The following ST3GAL1 variants were observed in gnomAD, a reference collection of about 807,000 sequenced individuals.
ST3GAL1 encodes the protein ST3 beta-galactoside alpha-2,3-sialyltransferase 1.
In ST3GAL1, 16 loss-of-function variants were observed where a neutral mutation model predicts 34.1. The observed-to-expected ratio is 0.47, with a 90% CI of 0.32 to 0.71. The LOEUF (loss-of-function observed/expected upper bound fraction) is 0.71. ST3GAL1 is among the 30% of genes least tolerant of loss of function. The pLI, the probability that ST3GAL1 is intolerant of heterozygous loss-of-function variation, is 0.04. For missense variants in ST3GAL1, 353 were observed against 447.4 expected, an observed-to-expected ratio of 0.79 and a Z score of 1.90; for synonymous variants, 191 against 184.7, an observed-to-expected ratio of 1.03 and a Z score of -0.28.
rs1254963943 is a variant in ST3GAL1, at chr8:133,455,979, C to T, written c.*3785G>A. Reference sequence around the variant, plus strand: ...ATCAAAGCCTCTCAACCAGCCGTTTCCCTAAAGAATCACCCAGATCTTAAC... The same window carrying T: ...ATCAAAGCCTCTCAACCAGCCGTTTTCCTAAAGAATCACCCAGATCTTAAC... On this transcript the variant is annotated 3_prime_UTR_variant, in exon 10 of 10. Transcript: ENST00000522652. 6.6e-6 allele frequency: 1 copy of T among 152,072 alleles called. No individual in the cohort carries two copies. The highest frequency in any genetic ancestry group is 1.5e-5 in the Non-Finnish European group (1 of 68,022). The allele number at this position is 152,072 out of a possible 1,614,324, so 9.4% of individuals were successfully genotyped here.
chr8:133,488,664 C>T (rs779989744), intron 3 of ST3GAL1, among the ~76,000 whole-genome samples: 7 of 152,160 alleles, frequency 4.6e-5, no homozygotes, highest in South Asian at 2.1e-4. Context: ...GAGCAGAGGG[C>T]GTAAGAGGGA....
chr8:133,500,090 G>A (rs563140531), intron 2 of ST3GAL1, among the ~76,000 whole-genome samples: 122 of 152,342 alleles, frequency 8.0e-4, no homozygotes, highest in African/African-American at 2.7e-3. Context: ...GTGCTCAGTT[G>A]AGGGCAATAA....
At chr8:133,519,245 G>C (rs1040345089) in intron 2 of ST3GAL1, among the ~76,000 whole-genome samples, 3 of 152,206 alleles carry the variant, frequency 2.0e-5, no homozygotes, top group African/African-American at 7.2e-5. Context: ...AGAAGGCACA[G>C]TGATGCCAAG....
At chr8:133,516,411 T>C (rs1481233735) in intron 2 of ST3GAL1, 1 of 152,144 alleles carries the variant, frequency 6.6e-6, no homozygotes, top group Non-Finnish European at 1.5e-5. Context: ...CTTTATAAAT[T>C]ACTCACCCTC....
At chr8:133,524,589 C>G (rs1817907263) in intron 2 of ST3GAL1, among the ~76,000 whole-genome samples, 1 of 152,258 alleles carries the variant, frequency 6.6e-6, no homozygotes, top group African/African-American at 2.4e-5. Flanking sequence ...TAAGGGCAAG[C>G]CAGGCGTGAA....
At chr8:133,562,856 T>TTTC (rs1819287083) in intron 1 of ST3GAL1, among the ~76,000 whole-genome samples, 2 of 142,716 alleles carry the variant, frequency 1.4e-5, no homozygotes, top group African/African-American at 5.8e-5. Flanking sequence ...CTTTCTTTTT[T>TTTC]TTTTTTTTTT....
chr8:133,477,233 T>G (rs899643168), intron 3 of ST3GAL1, among the ~76,000 whole-genome samples: 1 of 152,238 alleles, frequency 6.6e-6, no homozygotes, highest in Admixed American at 6.5e-5. Flanking sequence ...TAAGATAAAA[T>G]GATGTATGCT....
In ST3GAL1 at chr8:133,475,880, T is replaced by C. The variant is rs779028669; in HGVS notation, c.145A>G (p.Asn49Asp). ...PKQMVLELSE[N>D]LKRLIKHRPC... ...CTGTGCTTGATCAGTCTCTTCAGGT[T>C]CTCGGAGAGCTCCAGGACCATCTGC... is the stretch of plus-strand genomic sequence containing the variant. Residue 49 changes from asparagine to aspartate, a missense_variant, in exon 5 of 10, where the codon AAC (asparagine) becomes GAC (aspartate). Transcript: ENST00000522652. 1 of 1,614,002 alleles carries C rather than the reference T, an allele frequency of 6.2e-7. No individual in the cohort carries two copies. Among genetic ancestry groups the C allele is most frequent in the African/African-American group, 1.3e-5 (1 of 74,890 alleles).
chr8:133,470,575 C>T (rs1010792624), intron 5 of ST3GAL1, among the ~76,000 whole-genome samples: 23 of 152,310 alleles, frequency 1.5e-4, no homozygotes, highest in Middle Eastern at 3.4e-3. Flanking sequence ...CAATGCCTGC[C>T]GCCTGGTGGC....
intron 3 of ST3GAL1, among the ~76,000 whole-genome samples, chr8:133,480,356 A>T (rs1173958819): frequency 6.6e-6 from 1 of 152,204 alleles, no homozygotes; most frequent in East Asian, 1.9e-4. Flanking sequence ...GACTGAGAGA[A>T]CTGTGTGAAA....
chr8:133,503,947 G>A (rs1429912346), intron 2 of ST3GAL1, among the ~76,000 whole-genome samples: 1 of 152,322 alleles, frequency 6.6e-6, no homozygotes, highest in South Asian at 2.1e-4. Context: ...TGCTCCCTCA[G>A]CCAGGCAGTG....
intron 2 of ST3GAL1, among the ~76,000 whole-genome samples, chr8:133,543,871 A>G (rs1044566605): frequency 6.6e-6 from 1 of 152,134 alleles, no homozygotes; most frequent in African/African-American, 2.4e-5. Flanking sequence ...TAATACTACT[A>G]TTTGTGTTAC....
rs1563734004 is a variant in ST3GAL1, at chr8:133,540,820, T to TAG, written c.-429+4953_-429+4954insCT. On this transcript the variant is annotated intron_variant, in intron 2 of 9. Transcript: ENST00000522652. ...ACATATATATAGAGAGACATATATA[T>TAG]ATAGACATATATATAGAGAGACATA... Among the ~76,000 whole-genome samples the TAG allele has an allele frequency of 9.1e-4, 97 of 106,132 alleles. 2 individuals are homozygous for TAG. Among genetic ancestry groups the TAG allele is most frequent in the South Asian group, 1.7e-3 (6 of 3,476 alleles). The allele number at this position is 106,132 out of a possible 152,430, so 69.6% of individuals were successfully genotyped here. A position where few individuals can be genotyped will look rare whatever the true frequency, so the allele number is the denominator to read the frequency against.
Position 133,508,143 on chromosome 8 carries a change from C to A in ST3GAL1, c.-428-8954G>T, listed in dbSNP as rs893725646. On this transcript the variant is annotated intron_variant, in intron 2 of 9. Transcript: ENST00000522652. The surrounding 1 kb of genome is among the most constrained non-coding windows in gnomAD (Gnocchi z 4.1). The stretch of plus-strand genomic sequence containing the variant: ...AGTACTAGAGTTGAAAAAAAGGCAT[C>A]TTTCCCCAACAGCGTGGAGGCACAC... Among the ~76,000 whole-genome samples the A allele has an allele frequency of 6.6e-6, 1 of 152,182 alleles. No individual in the cohort carries two copies. Among genetic ancestry groups the A allele is most frequent in the Non-Finnish European group, 1.5e-5 (1 of 68,050 alleles).
At chr8:133,478,457 T>C (rs74656283) in intron 3 of ST3GAL1, among the ~76,000 whole-genome samples, 1,672 of 152,338 alleles carry the variant, frequency 0.011, 18 homozygotes, top group South Asian at 0.044. Context: ...CAAATGGTGC[T>C]AAATCCCTGA....
intron 1 of ST3GAL1, among the ~76,000 whole-genome samples, chr8:133,569,031 A>G (rs940595304): frequency 2.6e-5 from 4 of 152,184 alleles, no homozygotes; most frequent in African/African-American, 9.7e-5. Flanking sequence ...GCTGCTGCAG[A>G]GCTTCGAGGA....
At chr8:133,464,149 T>C (rs1049749940) in intron 7 of ST3GAL1, among the ~76,000 whole-genome samples, 4 of 152,190 alleles carry the variant, frequency 2.6e-5, no homozygotes, top group African/African-American at 9.6e-5. Context: ...ACAGGCTCTG[T>C]GTCGAGTTCA....
intron 1 of ST3GAL1, among the ~76,000 whole-genome samples, chr8:133,549,946 G>A (rs1470773444): frequency 1.3e-5 from 2 of 151,842 alleles, no homozygotes; most frequent in African/African-American, 2.4e-5. Context: ...TGGGGAACAA[G>A]AGTGAAACTC....
In ST3GAL1 at chr8:133,504,773, C is replaced by T. The variant is rs551056337; in HGVS notation, c.-428-5584G>A. The stretch of plus-strand genomic sequence containing the variant: ...TTCGGAGAGGAGGTCAGACTGGCAA[C>T]TCTTCTGGAAAATGGGAAGAAGATG... On this transcript the variant is annotated intron_variant, in intron 2 of 9. Transcript: ENST00000522652. Among the ~76,000 whole-genome samples the T allele has an allele frequency of 3.9e-5, 6 of 152,258 alleles. No individual in the cohort carries two copies. The South Asian group carries it at 1.2e-3, about 32-fold the overall frequency.
Sources: allele counts gnomAD v4.1 joint callset (sites outside exome capture counted in the v4.1 genomes callset), GRCh38; gene constraint gnomAD v4.1.1; non-coding constraint Gnocchi (gnomAD v3.1); transcripts MANE v1.5; gene names NCBI Gene and HGNC (gene_info 2026-07-23, HGNC 2026-07-21).